The following ADGRV1 variants were observed in gnomAD, a reference collection of about 807,000 sequenced individuals.
The protein encoded by ADGRV1 is adhesion G protein-coupled receptor V1.
Under a neutral mutation model 596.2 loss-of-function variants are expected in ADGRV1, and 359 were observed. That is an observed-to-expected ratio of 0.60 (90% CI 0.55 to 0.66). The LOEUF (loss-of-function observed/expected upper bound fraction) is 0.66. Ranked by LOEUF, ADGRV1 falls within the 30% of genes least tolerant of loss-of-function variation. The pLI is 0.00. For missense variants in ADGRV1, 7,274 were observed against 7,575.6 expected, an observed-to-expected ratio of 0.96 and a Z score of 1.48; for synonymous variants, 2,681 against 2,679.2, an observed-to-expected ratio of 1.00 and a Z score of -0.02.
intron 74 of ADGRV1, among the ~76,000 whole-genome samples, chr5:90,811,640 C>T (rs1480652917): frequency 6.6e-6 from 1 of 152,018 alleles, no homozygotes; most frequent in Non-Finnish European, 1.5e-5. Flanking sequence ...CACATGATTG[C>T]CTATCCTGTT....
chr5:90,936,835 C>T (rs1775733402), intron 83 of ADGRV1, among the ~76,000 whole-genome samples: 1 of 151,908 alleles, frequency 6.6e-6, no homozygotes, highest in Non-Finnish European at 1.5e-5. Context: ...TTTTTTGCTA[C>T]TTTTTAATTA....
intron 50 of ADGRV1, among the ~76,000 whole-genome samples, chr5:90,736,461 A>G (rs1312269843): frequency 2.0e-5 from 3 of 151,856 alleles, no homozygotes; most frequent in Admixed American, 1.3e-4. Flanking sequence ...TTTGGCCTTT[A>G]TATCAGGATA....
intron 87 of ADGRV1, among the ~76,000 whole-genome samples, chr5:91,125,797 A>G (rs931137143): frequency 9.9e-5 from 15 of 152,214 alleles, no homozygotes; most frequent in African/African-American, 3.4e-4. Flanking sequence ...GAGCTTAGAA[A>G]GCACTATTTT....
intron 55 of ADGRV1, among the ~76,000 whole-genome samples, chr5:90,756,151 A>T (rs893699498): frequency 1.8e-4 from 27 of 152,132 alleles, no homozygotes; most frequent in African/African-American, 6.3e-4. Context: ...GGGATATTAA[A>T]TATGTAAAAC....
intron 21 of ADGRV1, among the ~76,000 whole-genome samples, chr5:90,667,267 T>C (rs1335200617): frequency 1.5e-5 from 2 of 134,246 alleles, no homozygotes; most frequent in Non-Finnish European, 3.1e-5. Flanking sequence ...GTAGATTTGG[T>C]CTTTTCACAT....
chr5:90,689,537 T>C (rs981473649), intron 29 of ADGRV1, among the ~76,000 whole-genome samples: 9 of 152,058 alleles, frequency 5.9e-5, no homozygotes, highest in Non-Finnish European at 1.2e-4. Context: ...CACATTTTTT[T>C]CTTGTAGTTA....
chr5:91,010,087 T>G (rs1782602044), intron 85 of ADGRV1, among the ~76,000 whole-genome samples: 1 of 152,076 alleles, frequency 6.6e-6, no homozygotes, highest in South Asian at 2.1e-4. Flanking sequence ...TATGGTAGAT[T>G]ACAAACATAA....
Position 90,967,664 on chromosome 5 carries a change from A to G in ADGRV1, c.17973+2133A>G, listed in dbSNP as rs549035244. The stretch of plus-strand genomic sequence containing the variant: ...ATTGCTTATCAGATATGTACGTGGT[A>G]CAGAACTGAAAGGACAGCTGCAACA... On this transcript the variant is annotated intron_variant, in intron 84 of 89. Transcript: ENST00000405460. Among the ~76,000 whole-genome samples, 51 of 152,292 alleles carry G rather than the reference A, an allele frequency of 3.3e-4. 1 individual carries two copies. Among genetic ancestry groups the G allele is most frequent in the African/African-American group, 9.4e-4 (39 of 41,580 alleles).
At chr5:90,732,683 A>T (rs1472442106) in intron 50 of ADGRV1, among the ~76,000 whole-genome samples, 1 of 152,184 alleles carries the variant, frequency 6.6e-6, no homozygotes, top group Non-Finnish European at 1.5e-5. Context: ...TTCAGATTCC[A>T]CATATAAGTG....
At position 90,840,608 on chromosome 5, in the gene ADGRV1, A is replaced by G; in HGVS notation, c.16642A>G (p.Thr5548Ala). 2 of 1,611,560 alleles carry G rather than the reference A, an allele frequency of 1.2e-6. No individual in the cohort carries two copies. The highest frequency in any genetic ancestry group is 1.7e-6 in the Non-Finnish European group (2 of 1,178,120). ...ELRSAETIGRTIISPAISGKD... is the reference protein window; with the variant it reads ...ELRSAETIGRAIISPAISGKD... ...GAGGAGTGCTGAAACAATTGGTCGT[A>G]CCATCATATCTCCAGCTATTTCTGG... Residue 5548 changes from threonine to alanine, a missense_variant, in exon 78 of 90, where the codon ACC (threonine) becomes GCC (alanine). Around this residue, in one of 5 missense-constraint regions of ADGRV1, gnomAD observed 1,874 missense variants for 1,970.2 expected, o/e 0.95. Transcript: ENST00000405460.
At position 90,625,193 on chromosome 5, in the gene ADGRV1, C is replaced by G; in HGVS notation, c.622C>G (p.Pro208Ala). The G allele has an allele frequency of 6.2e-7, 1 of 1,613,412 alleles. No homozygotes were observed. Residue 208 changes from proline (P) to alanine (A), a missense_variant, in exon 6 of 90, where the codon CCC becomes GCC. Pro to Ala is a conservative substitution (Grantham distance 27). Coordinates refer to ENST00000405460, the MANE Select transcript of ADGRV1 (RefSeq NM_032119.4). ...LSPVKGNITF[P>A]PGRATVIYNL... ...TCCAGTTAAAGGAAATATCACCTTT[C>G]CCCCTGGCAGAGCAACAGTAATTTA...
chr5:90,782,447 A>G (rs1758949618), intron 65 of ADGRV1, among the ~76,000 whole-genome samples: 1 of 152,106 alleles, frequency 6.6e-6, no homozygotes, highest in Admixed American at 6.6e-5. Context: ...AATTTTGGTC[A>G]GTGTATATTT....
chr5:90,975,802 G>T (rs7733911), intron 84 of ADGRV1, among the ~76,000 whole-genome samples: 74,537 of 151,544 alleles, frequency 0.49, 19,671 homozygotes, highest in East Asian at 0.68. Context: ...TGTATACATA[G>T]GTAACAAACC....
intron 18 of ADGRV1, among the ~76,000 whole-genome samples, 178 bp from the exon 19 acceptor site, chr5:90,652,168 T>C (rs1768723290): frequency 6.6e-6 from 1 of 152,230 alleles, no homozygotes; most frequent in African/African-American, 2.4e-5. Flanking sequence ...TTCTCTTTTA[T>C]TAAAGTTCTA....
rs559507387 is a variant in ADGRV1 at position 91,120,699 on chromosome 5, G to A, written c.18432+18359G>A. On this transcript the variant is annotated intron_variant, in intron 87 of 89. Transcript: ENST00000405460. The stretch of plus-strand genomic sequence containing the variant: ...GAGAGGAGGGAGAGTCTGGACATTC[G>A]GGGCCTGTTCTAGACTAGTACAAAA... Among the ~76,000 whole-genome samples the A allele has an allele frequency of 1.8e-4, 27 of 152,164 alleles. No homozygotes were observed. The South Asian group carries it at 1.9e-3, about 11-fold the overall frequency.
At position 90,672,654 on chromosome 5, in the gene ADGRV1, A is replaced by G; in HGVS notation, c.4861A>G (p.Asn1621Asp). The G allele has an allele frequency of 6.2e-7, 1 of 1,613,710 alleles. No individual in the cohort carries two copies. The change falls in exon 22 of 90, where the codon AAT becomes GAT. Residue 1621 changes from asparagine to aspartate, a missense_variant. Physicochemically the swap from Asn to Asp is conservative, Grantham distance 23 (BLOSUM62 1). This residue lies in a region of ADGRV1 where 3,643 missense variants were observed against 3,809.2 expected (regional missense o/e 0.96). Transcript: ENST00000405460. ...TISQIETDGI[N>D]YLVDDFANAS... is the part of the protein sequence containing the mutation. ...TTCACAGATTGAAACTGATGGCATT[A>G]ATTACCTTGTTGATGACTTTGCTAA...
chr5:90,821,803 C>A (rs1763546730), intron 75 of ADGRV1, among the ~76,000 whole-genome samples: 1 of 151,990 alleles, frequency 6.6e-6, no homozygotes, highest in Non-Finnish European at 1.5e-5. Context: ...GCTGGGAGAA[C>A]CACTGCTCTC....
chr5:91,114,958 C>T (rs1792722400), intron 87 of ADGRV1, among the ~76,000 whole-genome samples: 1 of 152,136 alleles, frequency 6.6e-6, no homozygotes, highest in African/African-American at 2.4e-5. Context: ...AAATCCCAGG[C>T]TGCAATTTTC....
chr5:90,559,691 T>C (rs886910787), intron 1 of ADGRV1, among the ~76,000 whole-genome samples: 3 of 152,224 alleles, frequency 2.0e-5, no homozygotes, highest in Non-Finnish European at 4.4e-5. Context: ...TGCTATACAC[T>C]CTTTTAGAAA....
Sources: allele counts gnomAD v4.1 joint callset (sites outside exome capture counted in the v4.1 genomes callset), GRCh38; gene constraint gnomAD v4.1.1; regional missense constraint gnomAD v4.1.1; transcripts MANE v1.5; gene names NCBI Gene and HGNC (gene_info 2026-07-23, HGNC 2026-07-21).